The following ATP2B1 variants were observed in gnomAD, a reference collection of about 807,000 sequenced individuals.
ATP2B1 encodes ATPase plasma membrane Ca2+ transporting 1.
Under a neutral mutation model 124.2 loss-of-function variants are expected in ATP2B1, and 14 were observed. That is an observed-to-expected ratio of 0.11 (90% confidence interval 0.07 to 0.18). ATP2B1 has a LOEUF of 0.18. ATP2B1 is among the 10% of genes least tolerant of loss of function. The pLI, the probability that ATP2B1 is intolerant of heterozygous loss-of-function variation, is 1.00. For missense variants in ATP2B1, 763 were observed against 1,466.1 expected (o/e 0.52, Z 7.83); for synonymous variants, 449 against 492.4 (o/e 0.91, Z 1.17).
At chr12:89,656,800 T>C (rs1247124935) in intron 1 of ATP2B1, among the ~76,000 whole-genome samples, 1 of 152,222 alleles carries the variant, frequency 6.6e-6, no homozygotes, top group African/African-American at 2.4e-5. Context: ...ACTCTTTTGT[T>C]GTCCTTGCCC....
chr12:89,678,626 G>C (rs1420489334), intron 1 of ATP2B1, among the ~76,000 whole-genome samples: 2 of 152,136 alleles, frequency 1.3e-5, no homozygotes, highest in African/African-American at 4.8e-5. Flanking sequence ...CTCTGGCCAT[G>C]GCAAATAGGA....
intron 1 of ATP2B1, among the ~76,000 whole-genome samples, chr12:89,662,268 C>T (rs187166130): frequency 2.6e-5 from 4 of 152,072 alleles, no homozygotes; most frequent in Admixed American, 1.3e-4. Flanking sequence ...GATTCACACC[C>T]TAAAAATCTG....
Position 89,675,622 on chromosome 12 carries a change from T to C in ATP2B1, c.-221-19515A>G, listed in dbSNP as rs73437353. On this transcript the variant is annotated intron_variant, in intron 1 of 20. Coordinates refer to ENST00000428670, the MANE Select transcript of ATP2B1 (RefSeq NM_001366521.1). ...ATATAAAATCTGCACCCTCTCCATA[T>C]ATATTGCTGTCATATAACTTACAAT... Among the ~76,000 whole-genome samples the C allele has an allele frequency of 3.1e-3, 472 of 152,310 alleles. 2 individuals carry two copies. The highest frequency in any genetic ancestry group is 0.01 in the African/African-American group (430 of 41,568).
At chr12:89,622,619 G>A (rs148238051) in intron 9 of ATP2B1, among the ~76,000 whole-genome samples, 228 of 152,118 alleles carry the variant, frequency 1.5e-3, no homozygotes, top group Non-Finnish European at 2.3e-3. Context: ...AAAAAAACTG[G>A]TTCCTTGAAA....
At position 89,679,566 on chromosome 12, in the gene ATP2B1, G is replaced by A. The variant is rs148080194; in HGVS notation, c.-221-23459C>T. Among the ~76,000 whole-genome samples the A allele has an allele frequency of 1.3e-4, 20 of 152,204 alleles. No homozygotes were observed. In the East Asian group the frequency reaches 3.9e-3, roughly 29 times the overall value. Reference sequence around the variant, plus strand: ...ATAAGAAGTACAAATAAAACCATAGGTAGCCTCCAGTATTAACAGCAAGTG... The same window carrying A: ...ATAAGAAGTACAAATAAAACCATAGATAGCCTCCAGTATTAACAGCAAGTG... On this transcript the variant is annotated intron_variant, in intron 1 of 20. Transcript: ENST00000428670.
chr12:89,632,101 G>A (rs139229144), intron 5 of ATP2B1, among the ~76,000 whole-genome samples: 10 of 151,480 alleles, frequency 6.6e-5, no homozygotes, highest in African/African-American at 1.9e-4. Context: ...CTTCTAATCC[G>A]TCTAATCTTT....
At chr12:89,615,683 C>A (rs1878829365) in intron 12 of ATP2B1, among the ~76,000 whole-genome samples, 1 of 152,122 alleles carries the variant, frequency 6.6e-6, no homozygotes, top group African/African-American at 2.4e-5. Flanking sequence ...GATAATACTT[C>A]CTCCTTCTTT....
At chr12:89,592,148 G>A (rs890319817) in intron 20 of ATP2B1, among the ~76,000 whole-genome samples, 2 of 151,862 alleles carry the variant, frequency 1.3e-5, no homozygotes, top group Admixed American at 1.3e-4. Flanking sequence ...AAAGATTAGT[G>A]GGCAATCAAA....
intron 1 of ATP2B1, among the ~76,000 whole-genome samples, chr12:89,689,747 C>A (rs1890346801): frequency 6.6e-6 from 1 of 152,044 alleles, no homozygotes; most frequent in African/African-American, 2.4e-5. Flanking sequence ...AAGGGAGATA[C>A]CTTTTGTATC....
At chr12:89,672,560 C>A (rs1339004486) in intron 1 of ATP2B1, among the ~76,000 whole-genome samples, 1 of 152,160 alleles carries the variant, frequency 6.6e-6, no homozygotes, top group Non-Finnish European at 1.5e-5. Context: ...CTGCCTATCG[C>A]GCGAAATCCT....
At chr12:89,689,955 T>A (rs991128591) in intron 1 of ATP2B1, among the ~76,000 whole-genome samples, 13 of 152,244 alleles carry the variant, frequency 8.5e-5, no homozygotes, top group African/African-American at 3.1e-4. Flanking sequence ...AAACCTAGAA[T>A]TCAACTTTTG....
chr12:89,625,286 C>T (rs1251362177), intron 8 of ATP2B1, among the ~76,000 whole-genome samples: 3 of 136,758 alleles, frequency 2.2e-5, no homozygotes, highest in Non-Finnish European at 3.1e-5. Context: ...CACCCCCCGC[C>T]CCCAAAAATA....
intron 20 of ATP2B1, among the ~76,000 whole-genome samples, chr12:89,596,161 A>G (rs1365665283): frequency 6.6e-6 from 1 of 152,150 alleles, no homozygotes; most frequent in East Asian, 1.9e-4. Flanking sequence ...GTACACCTAA[A>G]GCCATCTGAT....
At chr12:89,625,897 AG>A (rs910323538) in intron 8 of ATP2B1, among the ~76,000 whole-genome samples, 32 of 152,198 alleles carry the variant, frequency 2.1e-4, no homozygotes, top group African/African-American at 7.7e-4. Flanking sequence ...TTATCCACAC[AG>A]TGTTCTTCCA....
At chr12:89,592,276 TAC>T (rs1490161294) in intron 20 of ATP2B1, among the ~76,000 whole-genome samples, 1 of 152,052 alleles carries the variant, frequency 6.6e-6, no homozygotes, top group South Asian at 2.1e-4. Context: ...TCAATTCAAA[TAC>T]AGTGTTTGCT....
At chr12:89,698,230 G>GT in intron 1 of ATP2B1, among the ~76,000 whole-genome samples, 1 of 152,280 alleles carries the variant, frequency 6.6e-6, no homozygotes, top group South Asian at 2.1e-4. Context: ...GGAAGAGACT[G>GT]TATGTTACTG....
chr12:89,632,149 T>C (rs1881976078), intron 5 of ATP2B1, among the ~76,000 whole-genome samples: 1 of 152,190 alleles, frequency 6.6e-6, no homozygotes, highest in Admixed American at 6.6e-5. Flanking sequence ...AACTTTTTTT[T>C]TTTTACACGT....
chr12:89,602,478 C>T (rs187371746), intron 18 of ATP2B1, among the ~76,000 whole-genome samples: 22 of 152,188 alleles, frequency 1.4e-4, no homozygotes, highest in African/African-American at 3.4e-4. Context: ...TTTCACTTCT[C>T]GGTTCCACTA....
intron 6 of ATP2B1, 53 bp downstream of exon 6, chr12:89,630,452 C>A (rs1014081337): frequency 1.5e-6 from 2 of 1,370,220 alleles, no homozygotes; most frequent in Non-Finnish European, 1.9e-6. Context: ...CTAGTTCTTA[C>A]AAATTATTTG....
Sources: allele counts gnomAD v4.1 joint callset (sites outside exome capture counted in the v4.1 genomes callset), GRCh38; gene constraint gnomAD v4.1.1; transcripts MANE v1.5; gene names NCBI Gene and HGNC (gene_info 2026-07-23, HGNC 2026-07-21).